TENM3: variants seen among roughly 807,000 people sequenced by gnomAD.
The protein encoded by TENM3 is teneurin transmembrane protein 3.
A neutral mutation model predicts 255.1 loss-of-function variants in TENM3; 63 were observed. That is an observed-to-expected ratio of 0.25 (90% CI 0.20 to 0.30). TENM3 has a LOEUF of 0.30. Among genes scored for constraint, TENM3 ranks in the 10% least tolerant of loss-of-function variants. TENM3 has a pLI of 1.00. For synonymous variants in TENM3, 1,306 were observed against 1,322.3 expected (o/e 0.99, Z 0.27); for missense variants, 2,929 against 3,461.1 (o/e 0.85, Z 3.86).
At chr4:181,819,646 G>C in the TENM3 span, among the ~76,000 whole-genome samples, 4 of 152,158 alleles carry the variant, frequency 2.6e-5, no homozygotes, top group African/African-American at 9.7e-5. Context: ...CGAAACTGTT[G>C]CACCTCCGAT....
chr4:181,666,997 C>T, the TENM3 span, among the ~76,000 whole-genome samples: 1 of 152,300 alleles, frequency 6.6e-6, no homozygotes, highest in East Asian at 1.9e-4. Flanking sequence ...CAGATGCAGA[C>T]ATACTATCAT....
At chr4:182,116,090 T>C in the TENM3 span, among the ~76,000 whole-genome samples, 2 of 152,166 alleles carry the variant, frequency 1.3e-5, no homozygotes, top group Non-Finnish European at 2.9e-5. Context: ...ACTCTTAGTA[T>C]GTACATTCTA....
the TENM3 span, among the ~76,000 whole-genome samples, chr4:181,629,246 T>A: frequency 2.1e-4 from 32 of 152,206 alleles, no homozygotes; most frequent in African/African-American, 7.7e-4. Flanking sequence ...GCTGAGACAA[T>A]GGGATTTTCT....
chr4:182,139,750 G>A (rs1322359466), upstream of TENM3, among the ~76,000 whole-genome samples: 1 of 152,214 alleles, frequency 6.6e-6, no homozygotes, highest in East Asian at 1.9e-4. Context: ...GGTCTTTTAT[G>A]AGGCTCTAGC....
In TENM3 at chr4:182,757,439, C is replaced by T. The variant is rs1433171522; in HGVS notation, c.4892+2180C>T. Among the ~76,000 whole-genome samples the T allele has an allele frequency of 2.6e-5, 4 of 152,038 alleles. No homozygotes were observed. In the East Asian group the frequency reaches 5.8e-4, roughly 22 times the overall value. On this transcript the variant is annotated intron_variant, in intron 22 of 27. Coordinates refer to ENST00000511685, the MANE Select transcript of TENM3 (RefSeq NM_001080477.4). The stretch of plus-strand genomic sequence containing the variant: ...TTTAGTATAGTCTGGTACTCAAGCC[C>T]TGCTCTCCGGGCCATTTTTGAATAT...
chr4:181,549,168 C>T, the TENM3 span, among the ~76,000 whole-genome samples: 1 of 152,166 alleles, frequency 6.6e-6, no homozygotes, highest in Non-Finnish European at 1.5e-5. Context: ...CCCACCCCAA[C>T]CTACTGGCTG....
intron 1 of TENM3, among the ~76,000 whole-genome samples, chr4:182,299,152 T>C (rs1761695515): frequency 6.6e-6 from 1 of 151,960 alleles, no homozygotes; most frequent in Admixed American, 6.6e-5. Context: ...CCAGATTATC[T>C]AATAATCTGT....
the TENM3 span, chr4:181,523,042 C>G: frequency 3.3e-6 from 2 of 600,618 alleles, no homozygotes; most frequent in Non-Finnish European, 6.5e-6. Context: ...AGGGAAATCG[C>G]AAACGGACTC....
At chr4:181,530,779 G>A in the TENM3 span, among the ~76,000 whole-genome samples, 2 of 152,182 alleles carry the variant, frequency 1.3e-5, no homozygotes, top group Admixed American at 1.3e-4. Flanking sequence ...GTATTCGTTG[G>A]AGGAGTAAAT....
At chr4:182,247,384 A>G (rs1488576095) in intron 1 of TENM3, among the ~76,000 whole-genome samples, 1 of 152,186 alleles carries the variant, frequency 6.6e-6, no homozygotes, top group Non-Finnish European at 1.5e-5. Flanking sequence ...AGCATTACAC[A>G]GATGATGGTT....
At chr4:181,892,660 A>C in the TENM3 span, among the ~76,000 whole-genome samples, 1 of 152,086 alleles carries the variant, frequency 6.6e-6, no homozygotes, top group African/African-American at 2.4e-5. Flanking sequence ...ATTCACTCCT[A>C]GTCTTTTTTC....
At chr4:182,351,835 G>A (rs1235420276) in intron 3 of TENM3, among the ~76,000 whole-genome samples, 2 of 152,158 alleles carry the variant, frequency 1.3e-5, no homozygotes, top group Admixed American at 1.3e-4. Flanking sequence ...GTAAAACAGG[G>A]ACAGCAGTAA....
chr4:181,784,422 A>T, the TENM3 span, among the ~76,000 whole-genome samples: 4 of 152,184 alleles, frequency 2.6e-5, no homozygotes, highest in Admixed American at 6.5e-5. Flanking sequence ...AATAATTTTT[A>T]AAAATATATT....
At chr4:182,719,252 C>CTTTTTTCTTTTTTTTTTTTTT (rs1759464601) in intron 13 of TENM3, among the ~76,000 whole-genome samples, 1 of 80,822 alleles carries the variant, frequency 1.2e-5, no homozygotes, top group Non-Finnish European at 2.2e-5. Flanking sequence ...TTTTTTTTTT[C>CTTTTTTCTTTTTTTTTTTTTT]TTTTTTTTTT....
chr4:182,528,583 A>G (rs1739464366), intron 3 of TENM3, among the ~76,000 whole-genome samples: 1 of 152,212 alleles, frequency 6.6e-6, no homozygotes, highest in African/African-American at 2.4e-5. Context: ...AGTCTCATTT[A>G]TTCATGCAAA....
the TENM3 span, among the ~76,000 whole-genome samples, chr4:181,977,339 TTAAG>T: frequency 1.3e-5 from 2 of 152,200 alleles, no homozygotes; most frequent in African/African-American, 4.8e-5. Context: ...TGTATGTAAA[TTAAG>T]TAAGTTAAAA....
the TENM3 span, among the ~76,000 whole-genome samples, chr4:181,808,431 T>A: frequency 6.6e-6 from 1 of 152,158 alleles, no homozygotes; most frequent in Non-Finnish European, 1.5e-5. Flanking sequence ...GAGCAATATT[T>A]AAATAGGAAA....
the TENM3 span, among the ~76,000 whole-genome samples, chr4:181,665,460 TTA>T: frequency 1.3e-5 from 2 of 152,194 alleles, no homozygotes; most frequent in Non-Finnish European, 2.9e-5. Context: ...ATATGTGCAT[TTA>T]TATATATTGT....
At chr4:182,798,762 A>T (rs1766679751) in intron 27 of TENM3, among the ~76,000 whole-genome samples, 1 of 152,216 alleles carries the variant, frequency 6.6e-6, no homozygotes, top group Non-Finnish European at 1.5e-5. Flanking sequence ...AAAGAAGTGC[A>T]CCATAAGGAC....
Sources: allele counts gnomAD v4.1 joint callset (sites outside exome capture counted in the v4.1 genomes callset), GRCh38; gene constraint gnomAD v4.1.1; transcripts MANE v1.5; gene names NCBI Gene and HGNC (gene_info 2026-07-23, HGNC 2026-07-21).